The following RIMBP2 variants were observed in gnomAD, a reference collection of about 807,000 sequenced individuals.
RIMBP2 encodes RIMS binding protein 2, also known as RIMS-binding protein 2.
Under a neutral mutation model 118.6 loss-of-function variants are expected in RIMBP2, and 48 were observed. The ratio of observed to expected loss-of-function variants is 0.40; its 90% CI spans 0.32 to 0.51. RIMBP2 has a LOEUF of 0.51. Ranked by LOEUF, RIMBP2 falls within the 20% of genes least tolerant of loss-of-function variation. The pLI, the probability that RIMBP2 is intolerant of heterozygous loss-of-function variation, is 0.41. For missense variants in RIMBP2, 1,551 were observed against 1,768.3 expected (o/e 0.88, Z 2.20); for synonymous variants, 762 against 742.9 (o/e 1.03, Z -0.42).
At chr12:130,701,914 ACG>A (rs1466994836) in intron 1 of RIMBP2, among the ~76,000 whole-genome samples, 3 of 152,036 alleles carry the variant, frequency 2.0e-5, no homozygotes, top group Non-Finnish European at 4.4e-5. Flanking sequence ...CAGCCCACAC[ACG>A]TATGTTCTAG....
In RIMBP2 at chr12:130,711,427, G is replaced by T. The variant is rs573311438; in HGVS notation, c.-352+4795C>A. 4.6e-5 allele frequency among the ~76,000 whole-genome samples: 7 copies of T among 152,290 alleles called. No individual in the cohort carries two copies. The South Asian group carries it at 1.5e-3, about 32-fold the overall frequency. On this transcript the variant is annotated intron_variant, in intron 1 of 22. Transcript: ENST00000690449. ...TAGAATGTGGTGTCTGTGACCATGA[G>T]AGTTTGGCCAGCACATGTTCTTCCT...
chr12:130,683,391 G>A lies in RIMBP2; in HGVS notation c.-352+32831C>T, dbSNP rs1391131299. Among the ~76,000 whole-genome samples, 2 of 152,226 alleles carry A rather than the reference G, an allele frequency of 1.3e-5. No individual in the cohort carries two copies. Among genetic ancestry groups the A allele is most frequent in the East Asian group, 3.9e-4 (2 of 5,188 alleles). On this transcript the variant is annotated intron_variant, in intron 1 of 22. Coordinates refer to ENST00000690449, the MANE Select transcript of RIMBP2 (RefSeq NM_001393629.1). The surrounding 1 kb of genome is among the most constrained non-coding windows in gnomAD (Gnocchi z 4.4). ...CTTCCAGCCTCCAGAGCTGCGAGAGGATGCATTCAGGTTGTAAAGGCCCCC... is the reference window on the plus strand; with the variant it reads ...CTTCCAGCCTCCAGAGCTGCGAGAGAATGCATTCAGGTTGTAAAGGCCCCC...
intron 2 of RIMBP2, among the ~76,000 whole-genome samples, chr12:130,548,659 C>T (rs2055409693): frequency 6.6e-6 from 1 of 152,086 alleles, no homozygotes; most frequent in Non-Finnish European, 1.5e-5. Context: ...CTGCAACCTC[C>T]ACCTCCCGGG....
chr12:130,433,970 G>A (rs939142033), intron 14 of RIMBP2, among the ~76,000 whole-genome samples: 3 of 152,222 alleles, frequency 2.0e-5, no homozygotes, highest in Non-Finnish European at 2.9e-5. Context: ...CGTCATGGCC[G>A]GAGGAGTCGG....
At chr12:130,589,087 G>T (rs1467471420) in intron 2 of RIMBP2, among the ~76,000 whole-genome samples, 1 of 152,204 alleles carries the variant, frequency 6.6e-6, no homozygotes, top group Non-Finnish European at 1.5e-5. Context: ...ACCAGTAATT[G>T]AAAAATCAAT....
intron 15 of RIMBP2, chr12:130,427,361 G>C (rs1329137458): frequency 6.6e-6 from 1 of 152,226 alleles, no homozygotes; most frequent in East Asian, 1.9e-4. Flanking sequence ...GCACCCCTTA[G>C]CCTAGCACAG....
intron 2 of RIMBP2, among the ~76,000 whole-genome samples, chr12:130,552,689 T>A (rs2055920214): frequency 6.6e-6 from 1 of 152,144 alleles, no homozygotes; most frequent in Admixed American, 6.5e-5. Flanking sequence ...GTAGACAAAT[T>A]CATGATAAAA....
chr12:130,600,430 C>T (rs1369938449), intron 2 of RIMBP2, among the ~76,000 whole-genome samples: 2 of 152,152 alleles, frequency 1.3e-5, no homozygotes, highest in East Asian at 3.9e-4. Flanking sequence ...TCCCCGCTGG[C>T]CAGAAGGATG....
rs372748816 is a variant in RIMBP2, at chr12:130,689,204, G to A, written c.-352+27018C>T. Reference sequence around the variant, plus strand: ...TGGCTCACGCCTGTAATCCTGAGGCGGGTGGATCATCTGAGGTCAGGAGTT... The same window carrying A: ...TGGCTCACGCCTGTAATCCTGAGGCAGGTGGATCATCTGAGGTCAGGAGTT... On this transcript the variant is annotated intron_variant, in intron 1 of 22. Transcript: ENST00000690449. Among the ~76,000 whole-genome samples the A allele has an allele frequency of 4.9e-4, 75 of 152,280 alleles. No individual in the cohort carries two copies. The East Asian group carries it at 6.8e-3, about 14-fold the overall frequency.
rs185467622 is a variant in RIMBP2, at chr12:130,665,620, A to G, written c.-351-37164T>C. ...CCCTCCGTGAGGAACCTTCTGTAAA[A>G]CTACTGTCCTTCACTCTTCAAAAAT... On this transcript the variant is annotated intron_variant, in intron 1 of 22. Coordinates refer to ENST00000690449, the MANE Select transcript of RIMBP2 (RefSeq NM_001393629.1). 3.6e-3 allele frequency among the ~76,000 whole-genome samples: 552 copies of G among 151,780 alleles called. 3 individuals carry two copies. The highest frequency in any genetic ancestry group is 6.5e-3 in the Non-Finnish European group (439 of 68,026).
intron 2 of RIMBP2, among the ~76,000 whole-genome samples, chr12:130,588,267 C>T (rs1347497949): frequency 6.6e-6 from 1 of 152,202 alleles, no homozygotes; most frequent in African/African-American, 2.4e-5. Context: ...CACTGACAAG[C>T]AGGTTCCATC....
At chr12:130,507,300 A>G (rs949367480) in intron 3 of RIMBP2, among the ~76,000 whole-genome samples, 2 of 152,200 alleles carry the variant, frequency 1.3e-5, no homozygotes, top group Non-Finnish European at 2.9e-5. Flanking sequence ...CAGGATCCCC[A>G]TGGCATCATT....
rs182062510 is a variant in RIMBP2, at chr12:130,650,098, G to A, written c.-351-21642C>T. On this transcript the variant is annotated intron_variant, in intron 1 of 22. Transcript: ENST00000690449. Reference sequence around the variant, plus strand: ...TGAACCCTCGGGGAGACGCAGTGGGGACTCGCAGGCAACCAAGGAGGCAGT... The same window carrying A: ...TGAACCCTCGGGGAGACGCAGTGGGAACTCGCAGGCAACCAAGGAGGCAGT... Among the ~76,000 whole-genome samples the A allele has an allele frequency of 1.5e-3, 230 of 152,188 alleles. 1 individual carries two copies. Among genetic ancestry groups the A allele is most frequent in the African/African-American group, 4.5e-3 (185 of 41,522 alleles).
chr12:130,482,416 C>T (rs928892465), intron 4 of RIMBP2, among the ~76,000 whole-genome samples: 2 of 152,118 alleles, frequency 1.3e-5, no homozygotes, highest in African/African-American at 2.4e-5. Context: ...GAAGGCAGAT[C>T]GATGAAACGA....
intron 1 of RIMBP2, among the ~76,000 whole-genome samples, chr12:130,714,356 C>T (rs746743595): frequency 1.6e-4 from 24 of 152,234 alleles, no homozygotes; most frequent in Non-Finnish European, 3.2e-4. Context: ...ACCTGGGAGG[C>T]TTCTCCACCA....
chr12:130,573,213 C>A (rs1382981430), intron 2 of RIMBP2, among the ~76,000 whole-genome samples: 2 of 151,666 alleles, frequency 1.3e-5, no homozygotes, highest in Non-Finnish European at 2.9e-5. Context: ...ATATTTATTG[C>A]ATACTTCATG....
intron 2 of RIMBP2, among the ~76,000 whole-genome samples, chr12:130,603,979 A>G (rs572743328): frequency 6.6e-6 from 1 of 152,290 alleles, no homozygotes; most frequent in African/African-American, 2.4e-5. Context: ...TCCAGAAATT[A>G]TCCAGAAGAA....
At chr12:130,606,720 A>C (rs1410692878) in intron 2 of RIMBP2, among the ~76,000 whole-genome samples, 2 of 152,122 alleles carry the variant, frequency 1.3e-5, no homozygotes, top group Admixed American at 6.5e-5. Context: ...TCACCTTCTA[A>C]ATATGACCTG....
chr12:130,413,153 G>C (rs1027208186), intron 18 of RIMBP2, among the ~76,000 whole-genome samples: 1 of 152,166 alleles, frequency 6.6e-6, no homozygotes, highest in Non-Finnish European at 1.5e-5. Flanking sequence ...TGGTGTTTCT[G>C]TCTGCCTGAA....
Sources: allele counts gnomAD v4.1 joint callset (sites outside exome capture counted in the v4.1 genomes callset), GRCh38; gene constraint gnomAD v4.1.1; non-coding constraint Gnocchi (gnomAD v3.1); transcripts MANE v1.5; gene names NCBI Gene and HGNC (gene_info 2026-07-23, HGNC 2026-07-21).